XKR6: variants seen among roughly 807,000 people sequenced by gnomAD.
XKR6 encodes XK related 6.
In XKR6, 22 loss-of-function variants were observed where a neutral mutation model predicts 56.7. The observed-to-expected ratio is 0.39, with a 90% CI of 0.28 to 0.55. The LOEUF (loss-of-function observed/expected upper bound fraction) is 0.55, where lower values mean the gene tolerates loss of function less well. Ranked by LOEUF, XKR6 falls within the 20% of genes least tolerant of loss-of-function variation. XKR6 has a pLI of 0.66. For synonymous variants in XKR6, 524 were observed against 387.8 expected (o/e 1.35, Z -4.13); for missense variants, 852 against 889.0 (o/e 0.96, Z 0.53).
chr8:11,195,116 G>A, intron 1 of XKR6: 1 of 703,024 alleles, frequency 1.4e-6, no homozygotes, highest in Non-Finnish European at 2.6e-6. Context: ...AGTATTTCTG[G>A]ATTTTTCAGA....
At chr8:11,162,250 G>A (rs548095851) in intron 1 of XKR6, among the ~76,000 whole-genome samples, 1 of 152,190 alleles carries the variant, frequency 6.6e-6, no homozygotes, top group Non-Finnish European at 1.5e-5. Flanking sequence ...CTGCCCGTGG[G>A]CTGTTTAAAT....
chr8:11,064,181 T>C (rs745924452), intron 1 of XKR6, among the ~76,000 whole-genome samples: 4 of 152,212 alleles, frequency 2.6e-5, no homozygotes, highest in Non-Finnish European at 4.4e-5. Flanking sequence ...TCATCTTTCA[T>C]GCATTTCCTC....
intron 1 of XKR6, among the ~76,000 whole-genome samples, chr8:11,172,269 C>G (rs549439536): frequency 6.6e-6 from 1 of 152,198 alleles, no homozygotes; most frequent in African/African-American, 2.4e-5. Context: ...ACTCGGGAGG[C>G]TGAGGTAGAA....
chr8:11,148,892 A>C (rs1272653252), intron 1 of XKR6, among the ~76,000 whole-genome samples: 1 of 152,264 alleles, frequency 6.6e-6, no homozygotes. Context: ...ATCTGAAAAT[A>C]ATTATGCTGA....
At chr8:10,937,885 C>T (rs542793598) in intron 1 of XKR6, among the ~76,000 whole-genome samples, 1 of 152,114 alleles carries the variant, frequency 6.6e-6, no homozygotes, top group East Asian at 1.9e-4. Flanking sequence ...AGAGGTGGAG[C>T]CTACAGAGGC....
At chr8:11,059,634 GGCGGGGCGGGACAGGTGCGGGGGGC>G (rs1263251290) in intron 1 of XKR6, among the ~76,000 whole-genome samples, 14 of 151,098 alleles carry the variant, frequency 9.3e-5, no homozygotes, top group South Asian at 2.1e-4. Flanking sequence ...GGGGGCGCGG[GGCGGGGCGGGACAGGTGCGGGGGGC>G]GCGGGGCGGG....
chr8:11,183,123 G>T (rs1344289459), intron 1 of XKR6, among the ~76,000 whole-genome samples: 1 of 152,080 alleles, frequency 6.6e-6, no homozygotes, highest in African/African-American at 2.4e-5. Flanking sequence ...GTTGATGAAG[G>T]CTTAGGTTGC....
chr8:10,959,280 T>C (rs1171189092), intron 1 of XKR6, among the ~76,000 whole-genome samples: 3 of 152,038 alleles, frequency 2.0e-5, no homozygotes, highest in African/African-American at 7.2e-5. Flanking sequence ...CGGCTTGCCA[T>C]GTAGAAAGGG....
chr8:11,188,605 T>C (rs1585035527), intron 1 of XKR6, among the ~76,000 whole-genome samples: 1 of 152,242 alleles, frequency 6.6e-6, no homozygotes, highest in African/African-American at 2.4e-5. Context: ...TTCAGAGTTT[T>C]CTTCAGCTTT....
intron 1 of XKR6, among the ~76,000 whole-genome samples, chr8:11,159,681 G>C (rs1801697131): frequency 6.6e-6 from 1 of 152,194 alleles, no homozygotes; most frequent in Admixed American, 6.5e-5. Context: ...AAGTCATTCT[G>C]ATGCAGACCA....
At chr8:11,065,603 T>C (rs1477519051) in intron 1 of XKR6, among the ~76,000 whole-genome samples, 1 of 151,962 alleles carries the variant, frequency 6.6e-6, no homozygotes, top group African/African-American at 2.4e-5. Context: ...TCCTGGGAAA[T>C]CCCTGCTTTG....
chr8:10,998,626 C>G (rs934924447), intron 1 of XKR6, among the ~76,000 whole-genome samples: 2 of 152,166 alleles, frequency 1.3e-5, no homozygotes, highest in African/African-American at 4.8e-5. Flanking sequence ...AGGCTGCAAA[C>G]CTTGGCTGAC....
chr8:11,153,816 A>C (rs111399414), intron 1 of XKR6, among the ~76,000 whole-genome samples: 2 of 152,102 alleles, frequency 1.3e-5, no homozygotes, highest in Admixed American at 1.3e-4. Flanking sequence ...TTTGCATCCA[A>C]CCCATCAACA....
intron 1 of XKR6, among the ~76,000 whole-genome samples, chr8:11,130,524 C>T (rs114375264): frequency 2.1e-3 from 318 of 152,110 alleles, no homozygotes; most frequent in African/African-American, 7.4e-3. Context: ...AAAGTCTGCA[C>T]CCAAGTGCCG....
At chr8:10,939,702 C>A (rs1801332778) in intron 1 of XKR6, among the ~76,000 whole-genome samples, 1 of 152,270 alleles carries the variant, frequency 6.6e-6, no homozygotes, top group Admixed American at 6.5e-5. Flanking sequence ...CTTGAAATTC[C>A]TGCCCTAATG....
chr8:11,007,397 C>T (rs138513299), intron 1 of XKR6, among the ~76,000 whole-genome samples: 10 of 152,324 alleles, frequency 6.6e-5, no homozygotes, highest in Non-Finnish European at 1.5e-4. Context: ...AAGCTTCTGT[C>T]GCTCAGCAGC....
intron 1 of XKR6, among the ~76,000 whole-genome samples, chr8:11,138,766 T>C (rs957766889): frequency 1.3e-5 from 2 of 152,224 alleles, no homozygotes; most frequent in Non-Finnish European, 2.9e-5. Context: ...AGAAGGACAG[T>C]TAAATTCCCA....
At chr8:10,937,738 T>A (rs1436195437) in intron 1 of XKR6, among the ~76,000 whole-genome samples, 1 of 149,422 alleles carries the variant, frequency 6.7e-6, no homozygotes, top group Admixed American at 6.6e-5. Flanking sequence ...GGGACCCACT[T>A]GAGGAGGCAG....
At chr8:11,199,809 C>T (rs1185302183) in intron 1 of XKR6, among the ~76,000 whole-genome samples, 3 of 152,190 alleles carry the variant, frequency 2.0e-5, no homozygotes, top group Non-Finnish European at 2.9e-5. Flanking sequence ...AAATCACTTA[C>T]ACACTGGCCT....
Sources: gnomAD v4.1 joint callset for allele counts (sites outside exome capture counted in the v4.1 genomes callset) on GRCh38, gnomAD v4.1.1 for gene constraint, MANE v1.5 for transcripts, NCBI Gene and HGNC (gene_info 2026-07-23, HGNC 2026-07-21) for gene names.